The following MYT1L variants were observed in gnomAD, a reference collection of about 807,000 sequenced individuals.
MYT1L encodes the protein myelin transcription factor 1-like protein.
A neutral mutation model predicts 126.7 loss-of-function variants in MYT1L; 12 were observed. The observed-to-expected ratio is 0.09, with a 90% CI of 0.06 to 0.15. The LOEUF is 0.15. Among genes scored for constraint, MYT1L ranks in the 10% least tolerant of loss-of-function variants. The probability of loss-of-function intolerance (pLI) is 1.00; values close to 1 mark genes in which losing one functional copy is unlikely to be tolerated. For missense variants in MYT1L, 979 were observed against 1,585.2 expected (o/e 0.62, Z 6.49); for synonymous variants, 541 against 604.2 (o/e 0.90, Z 1.53).
chr2:1,820,541 TTTG>T (rs538205555), intron 21 of MYT1L, among the ~76,000 whole-genome samples: 18 of 152,020 alleles, frequency 1.2e-4, no homozygotes, highest in Admixed American at 9.2e-4. Context: ...CAGTTGGCTT[TTTG>T]TTGTTGTTGT....
intron 1 of MYT1L, among the ~76,000 whole-genome samples, chr2:2,293,761 C>G (rs1297636618): frequency 6.6e-6 from 1 of 152,128 alleles, no homozygotes; most frequent in Non-Finnish European, 1.5e-5. Context: ...GCAAGACCGG[C>G]CCCCTCCCTC....
At chr2:1,999,044 C>T (rs750943899) in intron 4 of MYT1L, among the ~76,000 whole-genome samples, 19 of 152,300 alleles carry the variant, frequency 1.2e-4, no homozygotes, top group African/African-American at 3.8e-4. Context: ...TGGGTTATAA[C>T]AGCACCACCA....
At chr2:2,010,709 C>T (rs1049218399) in intron 4 of MYT1L, among the ~76,000 whole-genome samples, 1 of 152,126 alleles carries the variant, frequency 6.6e-6, no homozygotes, top group African/African-American at 2.4e-5. Flanking sequence ...GAAGCCACAC[C>T]CACAGCTAAC....
intron 3 of MYT1L, among the ~76,000 whole-genome samples, chr2:2,144,456 T>C (rs2084552358): frequency 6.6e-6 from 1 of 152,216 alleles, no homozygotes; most frequent in Non-Finnish European, 1.5e-5. Context: ...TCACAGTAAC[T>C]TATTGTTCCT....
At chr2:1,861,892 C>CCTGCAGCCTGAGTAA (rs2044693122) in intron 18 of MYT1L, among the ~76,000 whole-genome samples, 2 of 136,658 alleles carry the variant, frequency 1.5e-5, no homozygotes, top group Admixed American at 7.2e-5. Context: ...ATCCTGGATC[C>CCTGCAGCCTGAGTAA]TCCTACAGCC....
chr2:1,813,823 C>G (rs1246146095), intron 21 of MYT1L, among the ~76,000 whole-genome samples: 1 of 135,194 alleles, frequency 7.4e-6, no homozygotes, highest in African/African-American at 2.8e-5. Flanking sequence ...GTCAGGAGAT[C>G]GAGACCATCC....
chr2:2,023,263 C>G (rs1444351684), intron 4 of MYT1L, among the ~76,000 whole-genome samples: 2 of 152,174 alleles, frequency 1.3e-5, no homozygotes, highest in Non-Finnish European at 2.9e-5. Flanking sequence ...CTGCCTCCCT[C>G]AGAGGAGTGT....
At chr2:2,138,214 G>A (rs1188175013) in intron 3 of MYT1L, among the ~76,000 whole-genome samples, 4 of 150,964 alleles carry the variant, frequency 2.6e-5, no homozygotes, top group African/African-American at 9.7e-5. Flanking sequence ...GAGAGGATGT[G>A]GAGAAATAGG....
At chr2:2,198,212 G>T (rs2092909286) in intron 2 of MYT1L, among the ~76,000 whole-genome samples, 5 of 152,044 alleles carry the variant, frequency 3.3e-5, no homozygotes, top group Admixed American at 3.3e-4. Flanking sequence ...GGCTAAAACA[G>T]TTGATTTCAT....
intron 4 of MYT1L, among the ~76,000 whole-genome samples, chr2:2,052,538 A>G (rs897059464): frequency 3.3e-5 from 5 of 152,356 alleles, no homozygotes; most frequent in South Asian, 2.1e-4. Context: ...CAAATCATAT[A>G]TATGATAAGG....
rs76139224 is a variant in MYT1L, at chr2:1,851,875, C to G, written c.2712-172G>C. 6.2e-4 allele frequency among the ~76,000 whole-genome samples: 95 copies of G among 152,292 alleles called. No individual in the cohort carries two copies. The East Asian group carries it at 0.018, about 29-fold the overall frequency. The stretch of plus-strand genomic sequence containing the variant: ...GGAGCTGGAAGTCACCATGACCACA[C>G]ACACACCTTCCAGAGCACCGGGAGC... On this transcript the variant is annotated intron_variant, in intron 18 of 24. Coordinates refer to ENST00000647738, the MANE Select transcript of MYT1L (RefSeq NM_001303052.2).
chr2:1,958,368 T>C (rs1314570979), intron 8 of MYT1L, among the ~76,000 whole-genome samples: 6 of 131,630 alleles, frequency 4.6e-5, no homozygotes, highest in Admixed American at 1.5e-4. Flanking sequence ...AACCAGGGAG[T>C]TGGAGGATGA....
chr2:1,898,495 C>A (rs2049909702), intron 14 of MYT1L, among the ~76,000 whole-genome samples: 1 of 152,224 alleles, frequency 6.6e-6, no homozygotes, highest in Non-Finnish European at 1.5e-5. Context: ...AGGTTTCAGG[C>A]TCTCTTTTCC....
intron 3 of MYT1L, among the ~76,000 whole-genome samples, chr2:2,103,876 A>C (rs1250794309): frequency 6.6e-6 from 1 of 152,252 alleles, no homozygotes. Context: ...TCAACAGAGC[A>C]GATGCTGTGA....
chr2:1,938,456 A>G (rs898750350), intron 9 of MYT1L, among the ~76,000 whole-genome samples: 1 of 152,244 alleles, frequency 6.6e-6, no homozygotes, highest in African/African-American at 2.4e-5. Context: ...TTCTGAAAAC[A>G]AAATTCTTCA....
Position 1,848,571 on chromosome 2 carries a change from T to C in MYT1L, c.2774+3070A>G, listed in dbSNP as rs2042817110. Reference sequence around the variant, plus strand: ...TCATCGTCTAAGTGGCGTTTGCCTATAGGTAACATTATCTTCCTGTTCCTG... The same window carrying C: ...TCATCGTCTAAGTGGCGTTTGCCTACAGGTAACATTATCTTCCTGTTCCTG... On this transcript the variant is annotated intron_variant, in intron 19 of 24. Transcript: ENST00000647738. The surrounding 1 kb of genome is among the most constrained non-coding windows in gnomAD (Gnocchi z 4.8). 6.6e-6 allele frequency among the ~76,000 whole-genome samples: 1 copy of C among 152,152 alleles called. No homozygotes were observed.
intron 1 of MYT1L, among the ~76,000 whole-genome samples, chr2:2,308,633 C>A (rs2095898394): frequency 6.6e-6 from 1 of 150,664 alleles, no homozygotes; most frequent in African/African-American, 2.4e-5. Flanking sequence ...TTCCGTATAA[C>A]CTACCTATAC....
At chr2:1,840,076 T>C (rs10191010) in intron 20 of MYT1L, among the ~76,000 whole-genome samples, 66,893 of 152,222 alleles carry the variant, frequency 0.44, 15,608 homozygotes, top group East Asian at 0.67. Flanking sequence ...TTGTTTTTAT[T>C]AACAGAAAAG....
Position 1,994,897 on chromosome 2 carries a change from C to T in MYT1L, c.-1+2294G>A, listed in dbSNP as rs958830897. The stretch of plus-strand genomic sequence containing the variant: ...TTTTTAATTTTTTTAAATTATTCTA[C>T]TTATTTTTTAGGGGGAGGAAAATAC... On this transcript the variant is annotated intron_variant, in intron 5 of 24. Coordinates refer to ENST00000647738, the MANE Select transcript of MYT1L (RefSeq NM_001303052.2). Among the ~76,000 whole-genome samples, 7 of 151,976 alleles carry T rather than the reference C, an allele frequency of 4.6e-5. 1 individual carries two copies. The highest frequency in any genetic ancestry group is 1.7e-4 in the African/African-American group (7 of 41,450).
Sources: gnomAD v4.1 joint callset for allele counts (sites outside exome capture counted in the v4.1 genomes callset) on GRCh38, gnomAD v4.1.1 for gene constraint, Gnocchi (gnomAD v3.1) non-coding constraint, MANE v1.5 for transcripts, NCBI Gene and HGNC (gene_info 2026-07-23, HGNC 2026-07-21) for gene names.